Variants in GCA observed in about 807,000 individuals in gnomAD.
GCA encodes the protein grancalcin.
Under a neutral mutation model 32.6 loss-of-function variants are expected in GCA, and 30 were observed. The observed-to-expected ratio is 0.92, with a 90% confidence interval of 0.69 to 1.25. GCA has a LOEUF of 1.25. GCA is among the 50% of genes most tolerant of loss of function. The pLI, the probability that GCA is intolerant of heterozygous loss-of-function variation, is 0.00. For synonymous variants in GCA, 102 were observed against 84.6 expected, an observed-to-expected ratio of 1.21 and a Z score of -1.13; for missense variants, 291 against 266.8, an observed-to-expected ratio of 1.09 and a Z score of -0.63.
intron 1 of GCA, among the ~76,000 whole-genome samples, chr2:162,326,407 A>G (rs756981815): frequency 1.3e-5 from 2 of 152,174 alleles, no homozygotes. Context: ...AGTAGTCCCA[A>G]TGGTTCAGCA....
intron 3 of GCA, among the ~76,000 whole-genome samples, chr2:162,355,391 T>C (rs924874434): frequency 5.9e-5 from 9 of 152,146 alleles, no homozygotes; most frequent in African/African-American, 2.2e-4. Flanking sequence ...ATTTTTTCTT[T>C]AGTGGGTCTA....
At chr2:162,336,298 G>A (rs1356418535) in intron 1 of GCA, among the ~76,000 whole-genome samples, 1 of 152,122 alleles carries the variant, frequency 6.6e-6, no homozygotes, top group African/African-American at 2.4e-5. Flanking sequence ...ATTTATTGAT[G>A]TGTAGATTTA....
chr2:162,361,369 A>G lies in GCA; in HGVS notation c.*1126A>G. 1.0e-6 allele frequency: 1 copy of G among 976,156 alleles called. No individual in the cohort carries two copies. Among genetic ancestry groups the G allele is most frequent in the Non-Finnish European group, 1.2e-6 (1 of 821,716 alleles). 60.5% of individuals were successfully genotyped at this position (976,156 alleles called of 1,614,324 possible). ...ATTAATGTAATTTCTTTCTTGGCAA[A>G]CACCTCATGTCTGTCTTAGTGAAGA... On this transcript the variant is annotated 3_prime_UTR_variant, in exon 8 of 8. Coordinates refer to ENST00000437150, the MANE Select transcript of GCA (RefSeq NM_012198.5).
chr2:162,350,294 G>A (rs1018010685), intron 2 of GCA, among the ~76,000 whole-genome samples: 2 of 152,112 alleles, frequency 1.3e-5, no homozygotes, highest in South Asian at 2.1e-4. Context: ...TAGCCATCTC[G>A]TGACCCTGAG....
At chr2:162,323,125 T>C (rs1683743829) in intron 1 of GCA, among the ~76,000 whole-genome samples, 2 of 151,858 alleles carry the variant, frequency 1.3e-5, no homozygotes, top group Non-Finnish European at 2.9e-5. Flanking sequence ...TGGTATCTCA[T>C]TGTGGTTTTG....
intron 2 of GCA, among the ~76,000 whole-genome samples, chr2:162,348,640 A>T (rs1684831875): frequency 6.6e-6 from 1 of 152,158 alleles, no homozygotes; most frequent in Non-Finnish European, 1.5e-5. Flanking sequence ...GACGTGTGAA[A>T]CTGCCAGTTC....
Position 162,360,273 on chromosome 2 carries a change from CTG to C in GCA, c.*33_*34del, listed in dbSNP as rs1445131386. On this transcript the variant is annotated 3_prime_UTR_variant, in exon 8 of 8. Transcript: ENST00000437150. ...TTAGAATTTTAAACCTGAAGAGACA[CTG>C]TGAATTCTTTTGTTTGGAAGAAGTG... 7.6e-6 allele frequency: 12 copies of C among 1,578,752 alleles called. No homozygotes were observed. Among genetic ancestry groups the C allele is most frequent in the Admixed American group, 3.5e-5 (2 of 56,374 alleles).
At chr2:162,371,086 C>G (rs562199370) in intron 4 of GCA, among the ~76,000 whole-genome samples, 1 of 152,002 alleles carries the variant, frequency 6.6e-6, no homozygotes. Context: ...CACCATCCCC[C>G]GCCTCCAGAA....
chr2:162,345,693 A>G (rs1684667400), intron 1 of GCA, among the ~76,000 whole-genome samples: 3 of 152,234 alleles, frequency 2.0e-5, no homozygotes, highest in Admixed American at 2.0e-4. Context: ...ATCGCCGGAA[A>G]GAGAAGTACC....
At chr2:162,328,035 C>T (rs1292700233) in intron 1 of GCA, among the ~76,000 whole-genome samples, 3 of 152,158 alleles carry the variant, frequency 2.0e-5, no homozygotes, top group East Asian at 3.9e-4. Flanking sequence ...GCCCTTTAGC[C>T]CGTCGCTGCA....
downstream of GCA, among the ~76,000 whole-genome samples, chr2:162,363,776 A>G (rs1469192436): frequency 6.6e-6 from 1 of 151,488 alleles, no homozygotes; most frequent in African/African-American, 2.4e-5. Flanking sequence ...GCATATAAAG[A>G]AAGAGTCTTA....
At chr2:162,330,078 T>C (rs1684023726) in intron 1 of GCA, among the ~76,000 whole-genome samples, 1 of 152,260 alleles carries the variant, frequency 6.6e-6, no homozygotes, top group African/African-American at 2.4e-5. Context: ...CTGTCACTGA[T>C]GGGCATTTAG....
chr2:162,372,692 C>T (rs549981953), downstream of GCA, among the ~76,000 whole-genome samples: 28 of 152,078 alleles, frequency 1.8e-4, no homozygotes, highest in South Asian at 5.2e-3. Flanking sequence ...ATTAAATTCC[C>T]GAACATCTAA....
At chr2:162,343,804 T>G (rs1684529079), upstream of GCA, among the ~76,000 whole-genome samples, 1 of 152,200 alleles carries the variant, frequency 6.6e-6, no homozygotes, top group African/African-American at 2.4e-5. Context: ...GTTTGGGGTT[T>G]CTAGAAAGAA....
rs1685049697 is a variant in GCA, at chr2:162,352,424, C to T, written c.262+17C>T. The T allele has an allele frequency of 7.0e-7, 1 of 1,434,820 alleles. No individual in the cohort carries two copies. Among genetic ancestry groups the T allele is most frequent in the Non-Finnish European group, 9.8e-7 (1 of 1,025,470 alleles). The allele number at this position is 1,434,820 out of a possible 1,614,324, so 88.9% of individuals were successfully genotyped here. Reference sequence around the variant, plus strand: ...CTTACTCTCGTGAGATCTTTTTTCCCCTTTTGTTGAAATTATAATAGGAAG... The same window carrying T: ...CTTACTCTCGTGAGATCTTTTTTCCTCTTTTGTTGAAATTATAATAGGAAG... On this transcript the variant is annotated intron_variant, in intron 3 of 7. Transcript: ENST00000437150.
chr2:162,340,839 T>C (rs1287941020), upstream of GCA, among the ~76,000 whole-genome samples: 1 of 152,180 alleles, frequency 6.6e-6, no homozygotes. Flanking sequence ...TACAGATACC[T>C]CCAGAATGTC....
At chr2:162,332,555 C>T (rs937493252) in intron 1 of GCA, among the ~76,000 whole-genome samples, 1 of 151,876 alleles carries the variant, frequency 6.6e-6, no homozygotes, top group Non-Finnish European at 1.5e-5. Flanking sequence ...ATCAGAATTA[C>T]TTCGAAGGAT....
chr2:162,348,725 C>T (rs1684835447), intron 2 of GCA, among the ~76,000 whole-genome samples: 1 of 152,134 alleles, frequency 6.6e-6, no homozygotes, highest in Admixed American at 6.5e-5. Context: ...TTTTCTTTTA[C>T]TCCTACATAA....
chr2:162,319,094 G>C, exon 1 of GCA: 2 of 453,168 alleles, frequency 4.4e-6, no homozygotes, highest in Non-Finnish European at 8.9e-6. Context: ...AGACTGCGAG[G>C]GACAGGTGAG....
Sources: gnomAD v4.1 joint callset for allele counts (sites outside exome capture counted in the v4.1 genomes callset) on GRCh38, gnomAD v4.1.1 for gene constraint, MANE v1.5 for transcripts, NCBI Gene and HGNC (gene_info 2026-07-23, HGNC 2026-07-21) for gene names.